Variants in ADAMTS14 observed in about 807,000 individuals in gnomAD.
The protein encoded by ADAMTS14 is A disintegrin and metalloproteinase with thrombospondin motifs 14.
Under a neutral mutation model 128.6 loss-of-function variants are expected in ADAMTS14, and 100 were observed. The observed-to-expected ratio is 0.78, with a 90% confidence interval of 0.66 to 0.92. The LOEUF (loss-of-function observed/expected upper bound fraction) is 0.92, where lower values mean the gene tolerates loss of function less well. ADAMTS14 is among the 40% of genes least tolerant of loss of function. The pLI, the probability that ADAMTS14 is intolerant of heterozygous loss-of-function variation, is 0.00. For synonymous variants in ADAMTS14, 665 were observed against 653.8 expected (o/e 1.02, Z -0.26); for missense variants, 1,562 against 1,658.6 (o/e 0.94, Z 1.01).
intron 3 of ADAMTS14, among the ~76,000 whole-genome samples, chr10:70,707,044 C>T (rs1323669892): frequency 1.3e-5 from 2 of 152,238 alleles, no homozygotes; most frequent in Non-Finnish European, 2.9e-5. Context: ...CTCTGTTCAG[C>T]CCCAGCTTCA....
At chr10:70,718,684 C>A (rs1841145051) in intron 4 of ADAMTS14, among the ~76,000 whole-genome samples, 1 of 144,480 alleles carries the variant, frequency 6.9e-6, no homozygotes. Context: ...GGGTGCCCAG[C>A]CTTTTTTTTT....
At chr10:70,737,920 G>T (rs953302255) in intron 10 of ADAMTS14, among the ~76,000 whole-genome samples, 1 of 152,192 alleles carries the variant, frequency 6.6e-6, no homozygotes, top group Non-Finnish European at 1.5e-5. Context: ...TTGTGGTGAC[G>T]ATTGGACAAC....
At chr10:70,699,524 C>A (rs1840432614) in intron 2 of ADAMTS14, among the ~76,000 whole-genome samples, 2 of 152,070 alleles carry the variant, frequency 1.3e-5, no homozygotes, top group African/African-American at 4.8e-5. Flanking sequence ...GGTCTCCTAA[C>A]TGGGGAGGTT....
intron 2 of ADAMTS14, among the ~76,000 whole-genome samples, chr10:70,694,484 A>G (rs888621994): frequency 6.6e-6 from 1 of 152,184 alleles, no homozygotes; most frequent in African/African-American, 2.4e-5. Context: ...GACCATTTTC[A>G]TCACCTAAAA....
intron 19 of ADAMTS14, among the ~76,000 whole-genome samples, chr10:70,755,103 C>T (rs560584851): frequency 5.9e-5 from 9 of 151,858 alleles, no homozygotes; most frequent in Admixed American, 6.6e-5. Flanking sequence ...CCCAGGAATT[C>T]GAGACCAGCC....
At position 70,741,055 on chromosome 10, in the gene ADAMTS14, GC is replaced by G. The variant is rs776473959; in HGVS notation, c.1820del (p.Pro607LeufsTer42). 6 of 1,614,030 alleles carry G rather than the reference GC, an allele frequency of 3.7e-6. No homozygotes were observed. The highest frequency in any genetic ancestry group is 1.3e-5 in the African/African-American group (1 of 74,940). Reference protein sequence around the residue: ...FEYQVCNSEECPGTYEDFRAQ... With the variant: ...FEYQVCNSEEXPGTYEDFRAQ... ...TACCAGGTCTGCAACAGCGAGGAGT[GC>G]CCTGGGACCTACGAGGACTTCCGGG... On this transcript the variant is annotated frameshift_variant, in exon 12 of 22. Transcript: ENST00000373207. LOFTEE classifies it high-confidence loss of function.
intron 2 of ADAMTS14, 24 bp from the exon 3 acceptor site, chr10:70,702,288 C>A: frequency 6.2e-7 from 1 of 1,613,916 alleles, no homozygotes; most frequent in Non-Finnish European, 8.5e-7. Context: ...CTCTCTTTCC[C>A]GCTGCTTGCC....
At chr10:70,758,867 C>T (rs372047574) in intron 21 of ADAMTS14, among the ~76,000 whole-genome samples, 39 of 152,290 alleles carry the variant, frequency 2.6e-4, no homozygotes, top group South Asian at 4.2e-4. Flanking sequence ...CATCCACCCA[C>T]GGATAGATAT....
intron 2 of ADAMTS14, among the ~76,000 whole-genome samples, chr10:70,683,734 G>A (rs565459841): frequency 6.6e-6 from 1 of 152,362 alleles, no homozygotes; most frequent in Admixed American, 6.5e-5. Context: ...CTGCTCACGT[G>A]GCTGTGCTCC....
intron 3 of ADAMTS14, among the ~76,000 whole-genome samples, chr10:70,702,695 G>T (rs1288349709): frequency 1.3e-5 from 2 of 152,202 alleles, no homozygotes; most frequent in Non-Finnish European, 2.9e-5. Context: ...GTCCTGAACT[G>T]TGGTCCCTGG....
At chr10:70,732,889 G>C (rs1190710840) in intron 7 of ADAMTS14, among the ~76,000 whole-genome samples, 1 of 152,204 alleles carries the variant, frequency 6.6e-6, no homozygotes, top group Non-Finnish European at 1.5e-5. Context: ...GTTTTGTTTA[G>C]AGTGTGTTCA....
chr10:70,708,838 C>T lies in ADAMTS14; in HGVS notation c.870+60C>T, dbSNP rs1157146388. The T allele has an allele frequency of 2.4e-6, 3 of 1,264,158 alleles. No individual in the cohort carries two copies. The African/African-American group carries it at 4.6e-5, about 19-fold the overall frequency. 78.3% of individuals were successfully genotyped at this position (1,264,158 alleles called of 1,614,324 possible). Reference sequence around the variant, plus strand: ...TGGGGTGGGGTGGGCCCCACCCCACCCCACTGGGCCCCAGTGCTGATCCAA... The same window carrying T: ...TGGGGTGGGGTGGGCCCCACCCCACTCCACTGGGCCCCAGTGCTGATCCAA... On this transcript the variant is annotated intron_variant, in intron 4 of 21. Coordinates refer to ENST00000373207, the MANE Select transcript of ADAMTS14 (RefSeq NM_080722.4).
At position 70,732,294 on chromosome 10, in the gene ADAMTS14, C is replaced by G. The variant is rs1191324314; in HGVS notation, c.1143C>G (p.Ser381Arg). The stretch of plus-strand genomic sequence containing the variant: ...CTGGCATGTGTCACCCCCTGAGGAG[C>G]TGTGCCCTCAACCATGAGGATGGCT... Reference protein sequence around the residue: ...PVTGMCHPLRSCALNHEDGFS... With the variant: ...PVTGMCHPLRRCALNHEDGFS... The change falls in exon 7 of 22, where the codon AGC becomes AGG. Residue 381 changes from serine (S) to arginine (R), a missense_variant. Transcript: ENST00000373207. 2.5e-6 allele frequency: 4 copies of G among 1,614,096 alleles called. No homozygotes were observed. The highest frequency in any genetic ancestry group is 3.4e-6 in the Non-Finnish European group (4 of 1,180,042).
chr10:70,716,938 G>A (rs181287908), intron 4 of ADAMTS14, among the ~76,000 whole-genome samples: 53 of 152,332 alleles, frequency 3.5e-4, no homozygotes, highest in South Asian at 3.1e-3. Flanking sequence ...TATTCCTGCA[G>A]CTTCAGATGA....
In ADAMTS14 at chr10:70,761,184, C is replaced by T. The variant is rs889056883; in HGVS notation, c.*331C>T. ...CCTGGGCCTGGGCAGGTCTGAATCC[C>T]GGCTGGTCTGTAGCTAGAAGCTGTC... On this transcript the variant is annotated 3_prime_UTR_variant, in exon 22 of 22. Transcript: ENST00000373207. The T allele has an allele frequency of 4.4e-5, 11 of 249,510 alleles. No homozygotes were observed. The highest frequency in any genetic ancestry group is 1.2e-3 in the Middle Eastern group (1 of 816). The allele number at this position is 249,510 out of a possible 1,614,324, so 15.5% of individuals were successfully genotyped here.
At position 70,745,264 on chromosome 10, in the gene ADAMTS14, C is replaced by A. The variant is rs1842140965; in HGVS notation, c.2221C>A (p.His741Asn). 6.2e-7 allele frequency: 1 copy of A among 1,612,440 alleles called. No individual in the cohort carries two copies. The highest frequency in any genetic ancestry group is 1.7e-5 in the Admixed American group (1 of 60,004). The part of the protein sequence containing the change: ...KLVQIPAGAR[H>N]IQIEALEKSP... ...GGTGCAGATCCCAGCAGGTGCCAGG[C>A]ACATCCAGATTGAGGCACTGGAGAA... The change falls in exon 15 of 22, where the codon CAC becomes AAC. Residue 741 changes from histidine (H) to asparagine (N), a missense_variant. Physicochemically the swap from His to Asn is moderately conservative, Grantham distance 68 (BLOSUM62 1). Coordinates refer to ENST00000373207, the MANE Select transcript of ADAMTS14 (RefSeq NM_080722.4).
intron 15 of ADAMTS14, among the ~76,000 whole-genome samples, chr10:70,746,539 G>T (rs774942372): frequency 3.9e-5 from 6 of 152,154 alleles, no homozygotes; most frequent in Admixed American, 6.5e-5. Flanking sequence ...CAGGCGCAGC[G>T]GCTCACGCCT....
chr10:70,745,536 TTC>T, intron 15 of ADAMTS14: 1 of 564,336 alleles, frequency 1.8e-6, no homozygotes, highest in East Asian at 3.2e-5. Context: ...AGAGTCCCCT[TTC>T]TACCCCTGTA....
intron 18 of ADAMTS14, 144 bp from the exon 19 acceptor site, chr10:70,753,656 G>A: frequency 1.2e-6 from 1 of 814,044 alleles, no homozygotes; most frequent in Non-Finnish European, 1.9e-6. Flanking sequence ...GCAGAGCCAG[G>A]TGGACAGTTG....
Sources: gnomAD v4.1 joint callset for allele counts (sites outside exome capture counted in the v4.1 genomes callset) on GRCh38, gnomAD v4.1.1 for gene constraint, MANE v1.5 for transcripts, NCBI Gene and HGNC (gene_info 2026-07-23, HGNC 2026-07-21) for gene names.